The following SGCZ variants were observed in gnomAD, a reference collection of about 807,000 sequenced individuals.
The protein encoded by SGCZ is sarcoglycan zeta.
A neutral mutation model predicts 41.3 loss-of-function variants in SGCZ; 40 were observed. That is an observed-to-expected ratio of 0.97 (90% CI 0.75 to 1.26). The LOEUF is 1.26. Among genes scored for constraint, SGCZ ranks in the 50% most tolerant of loss-of-function variants. The pLI is 0.00. For missense variants in SGCZ, 552 were observed against 369.8 expected, an observed-to-expected ratio of 1.49 and a Z score of -4.04; for synonymous variants, 206 against 137.5, an observed-to-expected ratio of 1.50 and a Z score of -3.49.
At chr8:14,837,082 A>G in intron 1 of SGCZ, among the ~76,000 whole-genome samples, 1 of 152,322 alleles carries the variant, frequency 6.6e-6, no homozygotes, top group South Asian at 2.1e-4. Flanking sequence ...TAGCTCTTAC[A>G]ATTTGCCAGA....
intron 2 of SGCZ, among the ~76,000 whole-genome samples, chr8:14,426,237 T>C (rs991439528): frequency 1.1e-4 from 17 of 152,080 alleles, no homozygotes; most frequent in African/African-American, 4.1e-4. Context: ...AGAAATAAAA[T>C]TTGTGGTACA....
At chr8:14,333,574 T>C (rs1346202166) in intron 2 of SGCZ, among the ~76,000 whole-genome samples, 2 of 152,096 alleles carry the variant, frequency 1.3e-5, no homozygotes, top group South Asian at 2.1e-4. Flanking sequence ...CATGATATAC[T>C]CCTACTCAGA....
At chr8:14,544,324 CAT>C (rs992570691) in intron 2 of SGCZ, among the ~76,000 whole-genome samples, 10 of 152,056 alleles carry the variant, frequency 6.6e-5, no homozygotes, top group South Asian at 4.2e-4. Context: ...GATTGTAAAA[CAT>C]GTGTGTTTGA....
At chr8:15,228,827 A>G (rs1335329501) in intron 1 of SGCZ, among the ~76,000 whole-genome samples, 1 of 152,234 alleles carries the variant, frequency 6.6e-6, no homozygotes, top group Non-Finnish European at 1.5e-5. Context: ...TAGACAAATG[A>G]AGTCATGCAA....
At chr8:14,262,435 A>G (rs7014940) in intron 3 of SGCZ, among the ~76,000 whole-genome samples, 24,819 of 152,072 alleles carry the variant, frequency 0.16, 2,197 homozygotes, top group Admixed American at 0.23. Context: ...GAATGAATAT[A>G]TAATTTTAAA....
intron 1 of SGCZ, among the ~76,000 whole-genome samples, chr8:14,971,674 G>A (rs1196856576): frequency 6.0e-5 from 8 of 134,134 alleles, no homozygotes; most frequent in South Asian, 2.3e-4. Flanking sequence ...TTAATGCGAC[G>A]GAGTCCTGCT....
At chr8:14,437,325 C>T (rs1800122055) in intron 2 of SGCZ, among the ~76,000 whole-genome samples, 1 of 152,132 alleles carries the variant, frequency 6.6e-6, no homozygotes, top group Non-Finnish European at 1.5e-5. Context: ...TACCACTTGT[C>T]AAGTTTTGCT....
intron 2 of SGCZ, among the ~76,000 whole-genome samples, chr8:14,427,970 T>C (rs1471314239): frequency 6.6e-6 from 1 of 152,102 alleles, no homozygotes; most frequent in African/African-American, 2.4e-5. Flanking sequence ...ATTTAAAGTA[T>C]ACAGGAGGAT....
At chr8:14,146,173 A>T (rs2116936629) in intron 5 of SGCZ, among the ~76,000 whole-genome samples, 1 of 152,312 alleles carries the variant, frequency 6.6e-6, no homozygotes, top group East Asian at 1.9e-4. Flanking sequence ...AAAGTCAATG[A>T]TAAAGAAAGG....
At chr8:15,194,234 C>A (rs1339978688) in intron 1 of SGCZ, among the ~76,000 whole-genome samples, 1 of 150,422 alleles carries the variant, frequency 6.6e-6, no homozygotes, top group Non-Finnish European at 1.5e-5. Flanking sequence ...CACACCACAA[C>A]CCTCCCTTTG....
intron 3 of SGCZ, among the ~76,000 whole-genome samples, chr8:14,287,782 G>T (rs1363945417): frequency 6.6e-6 from 1 of 151,984 alleles, no homozygotes; most frequent in African/African-American, 2.4e-5. Context: ...TACTTCACAG[G>T]CTATTTAAAT....
chr8:14,260,662 G>T (rs569439763), intron 3 of SGCZ, among the ~76,000 whole-genome samples: 5 of 152,002 alleles, frequency 3.3e-5, no homozygotes, highest in African/African-American at 1.2e-4. Context: ...GTTTATTGCG[G>T]CATTATTCTC....
intron 1 of SGCZ, among the ~76,000 whole-genome samples, chr8:15,132,199 T>G (rs1234491227): frequency 6.6e-6 from 1 of 152,106 alleles, no homozygotes; most frequent in African/African-American, 2.4e-5. Context: ...CCACACACAA[T>G]GGAGTTAAAG....
At chr8:14,349,643 T>C (rs1408877263) in intron 2 of SGCZ, among the ~76,000 whole-genome samples, 1 of 152,140 alleles carries the variant, frequency 6.6e-6, no homozygotes, top group Non-Finnish European at 1.5e-5. Flanking sequence ...CTTCTGTTTA[T>C]CATATGCAGG....
chr8:14,324,092 G>T lies in SGCZ; in HGVS notation c.336+11C>A. The T allele has an allele frequency of 6.3e-7, 1 of 1,580,440 alleles. No homozygotes were observed. ...TATCTTTTAGAGTAAGCCAAAGCCA[G>T]TATCACATACCTTTCGAGAATGAAT... On this transcript the variant is annotated intron_variant, in intron 3 of 7. Transcript: ENST00000382080.
At chr8:15,028,789 G>A (rs1803550495) in intron 1 of SGCZ, among the ~76,000 whole-genome samples, 1 of 151,994 alleles carries the variant, frequency 6.6e-6, no homozygotes, top group Admixed American at 6.6e-5. Context: ...CTAACTCAAA[G>A]ACTACATACT....
chr8:14,385,246 C>T (rs1804531609), intron 2 of SGCZ, among the ~76,000 whole-genome samples: 1 of 152,082 alleles, frequency 6.6e-6, no homozygotes, highest in Non-Finnish European at 1.5e-5. Context: ...TGTGAACCAG[C>T]TCCAGTACAC....
chr8:15,186,542 AG>A (rs1462653272), intron 1 of SGCZ, among the ~76,000 whole-genome samples: 2 of 152,210 alleles, frequency 1.3e-5, no homozygotes, highest in Admixed American at 1.3e-4. Flanking sequence ...GCATATATAA[AG>A]CATTACCCTT....
chr8:14,521,289 T>C (rs1219187941), intron 2 of SGCZ, among the ~76,000 whole-genome samples: 3 of 152,166 alleles, frequency 2.0e-5, no homozygotes, highest in African/African-American at 4.8e-5. Context: ...GAAATGTTAA[T>C]AATTCAAATC....
Sources: gnomAD v4.1 joint callset for allele counts (sites outside exome capture counted in the v4.1 genomes callset) on GRCh38, gnomAD v4.1.1 for gene constraint, MANE v1.5 for transcripts, NCBI Gene and HGNC (gene_info 2026-07-23, HGNC 2026-07-21) for gene names.